CWF19L2: variants seen among roughly 807,000 people sequenced by gnomAD.
CWF19L2 encodes CWF19-like protein 2.
CWF19L2 carries 98 observed loss-of-function variants against 111.7 expected under a neutral mutation model. The observed-to-expected ratio is 0.88, with a 90% CI of 0.75 to 1.04. CWF19L2 has a LOEUF of 1.04. Ranked by LOEUF, CWF19L2 falls within the 50% of genes least tolerant of loss-of-function variation. The pLI, the probability that CWF19L2 is intolerant of heterozygous loss-of-function variation, is 0.00. For synonymous variants in CWF19L2, 351 were observed against 342.9 expected, an observed-to-expected ratio of 1.02 and a Z score of -0.26; for missense variants, 1,101 against 1,051.4, an observed-to-expected ratio of 1.05 and a Z score of -0.65.
At chr11:107,344,978 G>C (rs1173387068) in intron 14 of CWF19L2, among the ~76,000 whole-genome samples, 1 of 152,128 alleles carries the variant, frequency 6.6e-6, no homozygotes, top group Non-Finnish European at 1.5e-5. Flanking sequence ...GTAGCAGGTG[G>C]GAGTGCTAGG....
intron 16 of CWF19L2, among the ~76,000 whole-genome samples, chr11:107,333,999 T>C (rs1040643954): frequency 6.6e-6 from 1 of 152,114 alleles, no homozygotes; most frequent in African/African-American, 2.4e-5. Context: ...AGCAAATGAG[T>C]GTGGCTGTGT....
At chr11:107,430,796 A>C (rs1329907830) in intron 7 of CWF19L2, among the ~76,000 whole-genome samples, 1 of 152,086 alleles carries the variant, frequency 6.6e-6, no homozygotes, top group African/African-American at 2.4e-5. Flanking sequence ...GATACGATGT[A>C]CAGTATGAGG....
intron 13 of CWF19L2, among the ~76,000 whole-genome samples, chr11:107,349,466 C>T (rs962795807): frequency 1.3e-5 from 2 of 152,094 alleles, no homozygotes; most frequent in Non-Finnish European, 2.9e-5. Context: ...TAACTGATGC[C>T]TGTTTATCAG....
intron 12 of CWF19L2, among the ~76,000 whole-genome samples, chr11:107,355,852 G>A (rs764468068): frequency 3.3e-5 from 5 of 152,078 alleles, no homozygotes; most frequent in Non-Finnish European, 5.9e-5. Context: ...TAGCTACGTC[G>A]AAGACTTGAA....
At chr11:107,349,547 T>C (rs1324393508) in intron 13 of CWF19L2, among the ~76,000 whole-genome samples, 1 of 152,058 alleles carries the variant, frequency 6.6e-6, no homozygotes, top group Non-Finnish European at 1.5e-5. Context: ...GACCTCGGAA[T>C]GGCTTTACCA....
intron 12 of CWF19L2, among the ~76,000 whole-genome samples, chr11:107,362,133 C>A (rs1860355647): frequency 1.3e-5 from 2 of 152,094 alleles, no homozygotes; most frequent in Admixed American, 1.3e-4. Context: ...AAAAACGGCA[C>A]ACTACGAGAT....
chr11:107,346,449 A>G (rs1019505069), intron 14 of CWF19L2, among the ~76,000 whole-genome samples: 1 of 152,174 alleles, frequency 6.6e-6, no homozygotes, highest in Non-Finnish European at 1.5e-5. Context: ...TAAATGCTAG[A>G]AAGTTGGTTC....
intron 11 of CWF19L2, among the ~76,000 whole-genome samples, chr11:107,392,476 G>C (rs1860862589): frequency 6.6e-6 from 1 of 152,038 alleles, no homozygotes; most frequent in African/African-American, 2.4e-5. Flanking sequence ...TTTTCCCTAA[G>C]AGCTATAGCA....
At chr11:107,421,316 T>G (rs1246634025) in intron 8 of CWF19L2, among the ~76,000 whole-genome samples, 1 of 151,592 alleles carries the variant, frequency 6.6e-6, no homozygotes, top group Non-Finnish European at 1.5e-5. Context: ...AGATCTCAAA[T>G]CAATCACCTC....
intron 3 of CWF19L2, among the ~76,000 whole-genome samples, chr11:107,451,821 G>C (rs658814): frequency 6.6e-6 from 1 of 152,064 alleles, no homozygotes; most frequent in Non-Finnish European, 1.5e-5. Context: ...GGACCAAACC[G>C]TTTCACTGGC....
At chr11:107,360,875 A>G (rs1394422965) in intron 12 of CWF19L2, among the ~76,000 whole-genome samples, 1 of 152,108 alleles carries the variant, frequency 6.6e-6, no homozygotes, top group Non-Finnish European at 1.5e-5. Context: ...ATATTCTTGG[A>G]TATTAGACCC....
At chr11:107,402,873 G>GTATATATATATATATATATATATA (rs145828149) in intron 10 of CWF19L2, among the ~76,000 whole-genome samples, 40 of 94,420 alleles carry the variant, frequency 4.2e-4, no homozygotes, top group African/African-American at 1.5e-3. Flanking sequence ...ACTGTGGTGT[G>GTATATATATATATATATATATATA]TATATATATA....
intron 1 of CWF19L2, among the ~76,000 whole-genome samples, 196 bp from the exon 2 acceptor site, chr11:107,455,972 C>A (rs771259950): frequency 6.6e-5 from 10 of 152,126 alleles, no homozygotes; most frequent in South Asian, 2.1e-4. Flanking sequence ...AAGCAAAAAT[C>A]TCTCCTTCTG....
chr11:107,453,280 T>G (rs1861803711), intron 3 of CWF19L2, among the ~76,000 whole-genome samples: 2 of 152,074 alleles, frequency 1.3e-5, no homozygotes, highest in Non-Finnish European at 2.9e-5. Context: ...CCTTGGTGAC[T>G]CCTAGTGCTA....
chr11:107,329,805 G>A (rs1859815526), intron 17 of CWF19L2, 113 bp downstream of exon 17: 1 of 644,450 alleles, frequency 1.6e-6, no homozygotes, highest in African/African-American at 1.9e-5. Flanking sequence ...AAACTGGGTG[G>A]AGCAGTACTC....
At chr11:107,335,374 CA>C (rs1859907060) in intron 15 of CWF19L2, among the ~76,000 whole-genome samples, 1 of 152,042 alleles carries the variant, frequency 6.6e-6, no homozygotes. Flanking sequence ...TTCTAGCAAC[CA>C]AGGTCTTGAA....
intron 10 of CWF19L2, among the ~76,000 whole-genome samples, chr11:107,410,320 A>T (rs1861138941): frequency 6.6e-6 from 1 of 152,084 alleles, no homozygotes; most frequent in African/African-American, 2.4e-5. Flanking sequence ...AAGGCCCTGG[A>T]TCTGATGGAA....
intron 6 of CWF19L2, among the ~76,000 whole-genome samples, chr11:107,438,869 G>A (rs1246211601): frequency 1.3e-5 from 2 of 151,950 alleles, no homozygotes; most frequent in African/African-American, 2.4e-5. Context: ...GCAACATGGT[G>A]AAACCACATC....
chr11:107,420,787 G>A (rs941904445), intron 8 of CWF19L2, among the ~76,000 whole-genome samples: 3 of 152,112 alleles, frequency 2.0e-5, no homozygotes, highest in African/African-American at 7.2e-5. Context: ...AAAGTTATGT[G>A]ACGGTGGTAT....
Sources: gnomAD v4.1 joint callset for allele counts (sites outside exome capture counted in the v4.1 genomes callset) on GRCh38, gnomAD v4.1.1 for gene constraint, MANE v1.5 for transcripts, NCBI Gene and HGNC (gene_info 2026-07-23, HGNC 2026-07-21) for gene names.